The following GLRB variants were observed in gnomAD, a reference collection of about 807,000 sequenced individuals.
GLRB encodes the protein glycine receptor subunit beta.
GLRB carries 33 observed loss-of-function variants against 54.2 expected under a neutral mutation model. The ratio of observed to expected loss-of-function variants is 0.61; its 90% CI spans 0.46 to 0.81. The LOEUF is 0.81. Among genes scored for constraint, GLRB ranks in the 40% least tolerant of loss-of-function variants. The probability of loss-of-function intolerance (pLI) is 0.00; values close to 1 mark genes in which losing one functional copy is unlikely to be tolerated. For missense variants in GLRB, 572 were observed against 584.6 expected, an observed-to-expected ratio of 0.98 and a Z score of 0.22; for synonymous variants, 209 against 208.2, an observed-to-expected ratio of 1.00 and a Z score of -0.03.
intron 2 of GLRB, among the ~76,000 whole-genome samples, chr4:157,112,658 A>G (rs1003948667): frequency 6.6e-6 from 1 of 151,948 alleles, no homozygotes; most frequent in Non-Finnish European, 1.5e-5. Context: ...TGATCAGTCC[A>G]TGCCATTGGG....
chr4:157,139,029 A>G, intron 7 of GLRB, 80 bp downstream of exon 7: 1 of 780,590 alleles, frequency 1.3e-6, no homozygotes, highest in Non-Finnish European at 2.2e-6. Context: ...GGGAGAGTAG[A>G]AAAGAAGTGG....
At chr4:157,077,886 G>A in intron 1 of GLRB, 110 bp from the exon 2 acceptor site, 1 of 657,934 alleles carries the variant, frequency 1.5e-6, no homozygotes, top group Non-Finnish European at 2.6e-6. Flanking sequence ...AGGATTTGAT[G>A]TACAAATGTA....
intron 2 of GLRB, among the ~76,000 whole-genome samples, chr4:157,085,795 C>A (rs1390372779): frequency 6.6e-6 from 1 of 152,066 alleles, no homozygotes; most frequent in Non-Finnish European, 1.5e-5. Flanking sequence ...CCGTGCCTGG[C>A]CTGTATTTTC....
intron 2 of GLRB, among the ~76,000 whole-genome samples, chr4:157,099,340 CTTT>C (rs200495679): frequency 7.0e-6 from 1 of 141,894 alleles, no homozygotes; most frequent in Non-Finnish European, 1.5e-5. Flanking sequence ...GTGTTATTAA[CTTT>C]TTTTTTTTTT....
rs368748559 is a variant in GLRB, at chr4:157,136,667, T to C, written c.496T>C (p.Phe166Leu). 19 of 1,610,934 alleles carry C rather than the reference T, an allele frequency of 1.2e-5. No individual in the cohort carries two copies. The highest frequency in any genetic ancestry group is 1.6e-4 in the Middle Eastern group (1 of 6,070). ...VTQENILLFI[F>L]RDGDVLVSMR... is the part of the protein sequence containing the mutation. ...CCAGGAAAACATCCTCCTCTTTATT[T>C]TTCGTGATGGAGATGTCCTTGTCAG... Residue 166 changes from phenylalanine to leucine, a missense_variant, in exon 5 of 10, where the codon TTT (phenylalanine) becomes CTT (leucine). Transcript: ENST00000264428.
intron 7 of GLRB, among the ~76,000 whole-genome samples, chr4:157,141,814 C>G (rs1025381967): frequency 6.6e-6 from 1 of 152,014 alleles, no homozygotes; most frequent in African/African-American, 2.4e-5. Flanking sequence ...TGAAGCTCCC[C>G]TAGTGGGTAC....
chr4:157,082,595 T>C (rs1279654442), intron 2 of GLRB, among the ~76,000 whole-genome samples: 4 of 152,156 alleles, frequency 2.6e-5, no homozygotes, highest in Admixed American at 2.6e-4. Flanking sequence ...ATGGTCTCAA[T>C]ATAAGGATAC....
chr4:157,105,640 C>CT (rs1735194591), intron 2 of GLRB, among the ~76,000 whole-genome samples: 1 of 151,938 alleles, frequency 6.6e-6, no homozygotes, highest in Non-Finnish European at 1.5e-5. Flanking sequence ...TATTGTATTG[C>CT]AGCCTATTAC....
chr4:157,153,526 C>T (rs1284457172), intron 9 of GLRB, among the ~76,000 whole-genome samples: 2 of 152,146 alleles, frequency 1.3e-5, no homozygotes, highest in Non-Finnish European at 2.9e-5. Flanking sequence ...GGATGTCTGG[C>T]TCAGGGAAAC....
Position 157,159,121 on chromosome 4 carries a change from G to A in GLRB, c.1197+6111G>A, listed in dbSNP as rs1737360804. On this transcript the variant is annotated intron_variant, in intron 9 of 9. Coordinates refer to ENST00000264428, the MANE Select transcript of GLRB (RefSeq NM_000824.5). Reference sequence around the variant, plus strand: ...ATGAATGGGAGTTCGCTCATGATTTGGCTCTCTGTTTTTCTGTTATTGGTG... The same window carrying A: ...ATGAATGGGAGTTCGCTCATGATTTAGCTCTCTGTTTTTCTGTTATTGGTG... 3.9e-5 allele frequency among the ~76,000 whole-genome samples: 6 copies of A among 152,104 alleles called. No individual in the cohort carries two copies. In the South Asian group the frequency reaches 1.2e-3, roughly 32 times the overall value.
intron 2 of GLRB, among the ~76,000 whole-genome samples, chr4:157,115,981 G>A (rs993650949): frequency 4.6e-5 from 7 of 151,696 alleles, no homozygotes; most frequent in African/African-American, 1.7e-4. Context: ...TTAGCAAGAA[G>A]ATTAATACAA....
intron 9 of GLRB, among the ~76,000 whole-genome samples, chr4:157,156,406 C>T (rs192258063): frequency 6.6e-6 from 1 of 152,290 alleles, no homozygotes; most frequent in East Asian, 1.9e-4. Context: ...GTAGACTTTA[C>T]TGAATTCGTT....
At chr4:157,155,005 C>G (rs1380920535) in intron 9 of GLRB, among the ~76,000 whole-genome samples, 1 of 152,054 alleles carries the variant, frequency 6.6e-6, no homozygotes, top group Admixed American at 6.5e-5. Flanking sequence ...TTTTGCATCA[C>G]CATCAAATAT....
intron 2 of GLRB, among the ~76,000 whole-genome samples, chr4:157,086,489 C>G (rs1043869676): frequency 3.3e-5 from 5 of 152,108 alleles, no homozygotes; most frequent in Admixed American, 3.3e-4. Context: ...GTTAGAATTA[C>G]ATGTGAGTTT....
At chr4:157,132,379 T>C (rs924245668) in intron 4 of GLRB, among the ~76,000 whole-genome samples, 1 of 151,890 alleles carries the variant, frequency 6.6e-6, no homozygotes, top group Non-Finnish European at 1.5e-5. Context: ...TATCTTGATA[T>C]TTAATCATTC....
rs538366941 is a variant in GLRB at position 157,170,666 on chromosome 4, A to G, written c.1432A>G (p.Arg478Gly). 12 of 1,608,178 alleles carry G rather than the reference A, an allele frequency of 7.5e-6. No individual in the cohort carries two copies. Among genetic ancestry groups the G allele is most frequent in the Admixed American group, 6.7e-5 (4 of 59,600 alleles). ...AGCAAAGCGAATTGATCTTTATGCA[A>G]GAGCATTGTTTCCTTTCTGCTTCTT... Reference protein sequence around the residue: ...TAAKRIDLYARALFPFCFLFF... With the variant: ...TAAKRIDLYAGALFPFCFLFF... The change falls in exon 10 of 10, where the codon AGA becomes GGA. Residue 478 changes from arginine to glycine, a missense_variant. By Grantham distance (125) the Arg-to-Gly change is moderately radical. Transcript: ENST00000264428.
intron 2 of GLRB, among the ~76,000 whole-genome samples, chr4:157,088,612 A>G (rs530292526): frequency 5.9e-5 from 9 of 152,228 alleles, no homozygotes; most frequent in Admixed American, 5.2e-4. Flanking sequence ...CTTGGATGGG[A>G]ATCCCCTCGG....
chr4:157,096,000 C>T (rs1734796493), intron 2 of GLRB, among the ~76,000 whole-genome samples: 1 of 152,116 alleles, frequency 6.6e-6, no homozygotes, highest in Non-Finnish European at 1.5e-5. Flanking sequence ...TGGAAGCCCA[C>T]AGTGTGGACT....
At chr4:157,144,018 A>G in intron 8 of GLRB, 59 bp downstream of exon 8, 1 of 1,488,692 alleles carries the variant, frequency 6.7e-7, no homozygotes, top group Non-Finnish European at 9.4e-7. Context: ...TATCTAACTT[A>G]CCATATAATC....
Sources: allele counts gnomAD v4.1 joint callset (sites outside exome capture counted in the v4.1 genomes callset), GRCh38; gene constraint gnomAD v4.1.1; transcripts MANE v1.5; gene names NCBI Gene and HGNC (gene_info 2026-07-23, HGNC 2026-07-21).